Variants in ZFHX3 observed in about 807,000 individuals in gnomAD.
ZFHX3 encodes zinc finger homeobox 3.
ZFHX3 carries 42 observed loss-of-function variants against 279.1 expected under a neutral mutation model. The observed-to-expected ratio is 0.15, with a 90% confidence interval of 0.12 to 0.19. The LOEUF (loss-of-function observed/expected upper bound fraction) is 0.19. Among genes scored for constraint, ZFHX3 ranks in the 10% least tolerant of loss-of-function variants. The pLI is 1.00. For synonymous variants in ZFHX3, 2,293 were observed against 1,957.8 expected (o/e 1.17, Z -4.52); for missense variants, 4,981 against 4,754.0 (o/e 1.05, Z -1.40).
chr16:73,032,047 ACT>A (rs1441049167), intron 1 of ZFHX3, among the ~76,000 whole-genome samples: 1 of 152,160 alleles, frequency 6.6e-6, no homozygotes, highest in Non-Finnish European at 1.5e-5. Context: ...ATGTGTTAAA[ACT>A]GGCCAAATAG....
In ZFHX3 at chr16:73,876,871, C is replaced by G. The variant is rs549685353; in HGVS notation, c.-1608+14780G>C. Among the ~76,000 whole-genome samples, 27 of 152,192 alleles carry G rather than the reference C, an allele frequency of 1.8e-4. No individual in the cohort carries two copies. In the South Asian group the frequency reaches 5.4e-3, roughly 30 times the overall value. ...CACCTTCACACACAGACACAAAACC[C>G]ACCGTGTGGGTTCACGGTCCACATC... On this transcript the variant is annotated intron_variant, in intron 1 of 17. Transcript: ENST00000641206.
chr16:73,170,254 A>G (rs1360476463), intron 5 of ZFHX3, among the ~76,000 whole-genome samples: 2 of 48,190 alleles, frequency 4.2e-5, no homozygotes, highest in African/African-American at 1.7e-4. Flanking sequence ...TTTTTGAGAC[A>G]TAGCTCCACT....
intron 3 of ZFHX3, among the ~76,000 whole-genome samples, chr16:73,349,616 C>CCCTCCCTTCCTCCCTT (rs201150372): frequency 1.7e-5 from 1 of 60,060 alleles, no homozygotes; most frequent in Non-Finnish European, 3.1e-5. Flanking sequence ...CTTACTTCCT[C>CCCTCCCTTCCTCCCTT]CCTCCCTTCC....
In ZFHX3 at chr16:73,115,950, C is replaced by T. The variant is rs145830410; in HGVS notation, c.-897+15018G>A. On this transcript the variant is annotated intron_variant, in intron 7 of 17. Coordinates refer to the ZFHX3 transcript ENST00000641206. ...CCTGACCAACATCATGGAGAAACCC[C>T]GTCTCTGTTAAAATACAAAATTAGC... Among the ~76,000 whole-genome samples, 1,201 of 152,096 alleles carry T rather than the reference C, an allele frequency of 7.9e-3. 10 individuals are homozygous for T. Among genetic ancestry groups the T allele is most frequent in the South Asian group, 0.027 (131 of 4,808 alleles).
chr16:73,781,851 G>T (rs1206020696), intron 1 of ZFHX3, among the ~76,000 whole-genome samples: 2 of 152,160 alleles, frequency 1.3e-5, no homozygotes, highest in Non-Finnish European at 2.9e-5. Context: ...GCTGAGTGTG[G>T]TGGTGTGCAT....
intron 8 of ZFHX3, among the ~76,000 whole-genome samples, chr16:73,080,751 C>T (rs1201983951): frequency 6.6e-6 from 1 of 151,916 alleles, no homozygotes; most frequent in African/African-American, 2.4e-5. Flanking sequence ...TTTTTAAAAA[C>T]ATTATTTTGT....
At chr16:72,956,553 A>T (rs938178711) in intron 2 of ZFHX3, among the ~76,000 whole-genome samples, 4 of 151,852 alleles carry the variant, frequency 2.6e-5, no homozygotes, top group African/African-American at 9.7e-5. Context: ...CAAATCCTAC[A>T]CTCTTGGTCC....
intron 1 of ZFHX3, among the ~76,000 whole-genome samples, chr16:73,009,782 A>G (rs2144619453): frequency 6.6e-6 from 1 of 152,244 alleles, no homozygotes; most frequent in South Asian, 2.1e-4. Context: ...GCACTTTCAG[A>G]GGCCGACGCA....
intron 2 of ZFHX3, among the ~76,000 whole-genome samples, chr16:73,458,286 C>T (rs191920825): frequency 1.3e-5 from 2 of 150,780 alleles, no homozygotes; most frequent in African/African-American, 4.9e-5. Flanking sequence ...TTCTCTCTTT[C>T]TCTCTCTCTC....
chr16:73,543,043 GAGA>G (rs566659316), intron 2 of ZFHX3, among the ~76,000 whole-genome samples: 1 of 152,322 alleles, frequency 6.6e-6, no homozygotes, highest in South Asian at 2.1e-4. Flanking sequence ...CCACGGGAAG[GAGA>G]AGGGTTGCAC....
intron 5 of ZFHX3, among the ~76,000 whole-genome samples, chr16:73,209,314 CA>C (rs2011921391): frequency 6.6e-6 from 1 of 152,102 alleles, no homozygotes; most frequent in Non-Finnish European, 1.5e-5. Flanking sequence ...GCTGCTAGAA[CA>C]GAATACCATA....
intron 4 of ZFHX3, among the ~76,000 whole-genome samples, chr16:72,863,340 T>TAAAAAAAAAAAAA (rs66692129): frequency 1.4e-4 from 9 of 64,630 alleles, no homozygotes; most frequent in African/African-American, 5.9e-4. Context: ...TCATCTCTAC[T>TAAAAAAAAAAAAA]AAAAAAAAAA....
In ZFHX3 at chr16:72,794,044, T is replaced by C. The variant is rs2035807224; in HGVS notation, c.8638A>G (p.Met2880Val). 7 of 1,614,242 alleles carry C rather than the reference T, an allele frequency of 4.3e-6. No individual in the cohort carries two copies. Among genetic ancestry groups the C allele is most frequent in the Non-Finnish European group, 5.1e-6 (6 of 1,180,042 alleles). Reference sequence around the variant, plus strand: ...TCTTCATACTCAGACATTGCCATCATGGCCGCTTTGGTCAACCCTTCGTTG... The same window carrying C: ...TCTTCATACTCAGACATTGCCATCACGGCCGCTTTGGTCAACCCTTCGTTG... The part of the protein sequence containing the change: ...APNEGLTKAA[M>V]MAMSEYEDRL... Residue 2880 changes from methionine (M) to valine (V), a missense_variant, in exon 9 of 10, where the codon ATG (methionine) becomes GTG (valine). Coordinates refer to ENST00000268489, the MANE Select transcript of ZFHX3 (RefSeq NM_006885.4). The surrounding 1 kb of genome is among the most constrained non-coding windows in gnomAD (Gnocchi z 4.2).
rs1567518257 is a variant in ZFHX3 at position 72,797,421 on chromosome 16, GCTTGAA to G, written c.5255_5260del (p.Val1752_Gln1753del). On this transcript the variant is annotated inframe_deletion, in exon 9 of 10. Coordinates refer to ENST00000268489, the MANE Select transcript of ZFHX3 (RefSeq NM_006885.4). Reference sequence around the variant, plus strand: ...TTGCTGCAGCTCCTGCTGCAGGTGAGCTTGAACTTGAGCCTGGGCCTGGGCCAGCGT... The same window carrying G: ...TTGCTGCAGCTCCTGCTGCAGGTGAGCTTGAGCCTGGGCCTGGGCCAGCGT... 6.2e-7 allele frequency: 1 copy of G among 1,612,800 alleles called. No individual in the cohort carries two copies. Among genetic ancestry groups the G allele is most frequent in the East Asian group, 2.2e-5 (1 of 44,866 alleles).
At chr16:73,408,844 C>T (rs1346760747) in intron 3 of ZFHX3, among the ~76,000 whole-genome samples, 1 of 151,952 alleles carries the variant, frequency 6.6e-6, no homozygotes, top group Non-Finnish European at 1.5e-5. Flanking sequence ...GGACCACAAG[C>T]GGCATCAAAT....
At chr16:73,758,618 G>T (rs184285644) in intron 1 of ZFHX3, among the ~76,000 whole-genome samples, 1 of 152,310 alleles carries the variant, frequency 6.6e-6, no homozygotes, top group East Asian at 1.9e-4. Context: ...AAGAGCTAGG[G>T]GAAGGATAAG....
chr16:72,962,276 T>C (rs948685345), intron 1 of ZFHX3, among the ~76,000 whole-genome samples: 1 of 152,208 alleles, frequency 6.6e-6, no homozygotes, highest in Non-Finnish European at 1.5e-5. Flanking sequence ...TACCAATTAA[T>C]TGGTGGGCTT....
chr16:73,231,623 G>T (rs185156230), intron 5 of ZFHX3, among the ~76,000 whole-genome samples: 17 of 152,276 alleles, frequency 1.1e-4, no homozygotes, highest in East Asian at 1.9e-4. Flanking sequence ...GTGTCTAACA[G>T]GGACACAGGT....
At chr16:72,890,500 T>G (rs1052789660) in intron 3 of ZFHX3, among the ~76,000 whole-genome samples, 34 of 151,926 alleles carry the variant, frequency 2.2e-4, no homozygotes, top group Non-Finnish European at 3.5e-4. Context: ...TAGAGGGTTT[T>G]TTTTTTTTTT....
Sources: gnomAD v4.1 joint callset for allele counts (sites outside exome capture counted in the v4.1 genomes callset) on GRCh38, gnomAD v4.1.1 for gene constraint, Gnocchi (gnomAD v3.1) non-coding constraint, MANE v1.5 for transcripts, NCBI Gene and HGNC (gene_info 2026-07-23, HGNC 2026-07-21) for gene names.